Variants in ANTXR2 observed in about 807,000 individuals in gnomAD.
ANTXR2 encodes anthrax toxin receptor 2.
In ANTXR2, 44 loss-of-function variants were observed where a neutral mutation model predicts 73.7. The ratio of observed to expected loss-of-function variants is 0.60; its 90% CI spans 0.47 to 0.77. The LOEUF (loss-of-function observed/expected upper bound fraction) is 0.77. ANTXR2 is among the 30% of genes least tolerant of loss of function. The probability of loss-of-function intolerance (pLI) is 0.00; values close to 1 mark genes in which losing one functional copy is unlikely to be tolerated. For synonymous variants in ANTXR2, 217 were observed against 205.9 expected (o/e 1.05, Z -0.46); for missense variants, 604 against 592.5 (o/e 1.02, Z -0.20).
At chr4:79,924,289 T>A (rs911167967) in intron 16 of ANTXR2, among the ~76,000 whole-genome samples, 1 of 152,134 alleles carries the variant, frequency 6.6e-6, no homozygotes, top group South Asian at 2.1e-4. Flanking sequence ...CATCAACAAG[T>A]AAAGATTTGG....
chr4:80,022,587 C>T (rs1732221900), intron 10 of ANTXR2, among the ~76,000 whole-genome samples: 2 of 152,132 alleles, frequency 1.3e-5, no homozygotes, highest in African/African-American at 4.8e-5. Context: ...TATTTTATGT[C>T]ATTTCTGTTA....
At chr4:79,928,144 G>A (rs1727896726) in intron 16 of ANTXR2, among the ~76,000 whole-genome samples, 1 of 152,122 alleles carries the variant, frequency 6.6e-6, no homozygotes, top group Non-Finnish European at 1.5e-5. Flanking sequence ...GATAAAATGT[G>A]TCATATACAT....
At chr4:80,037,682 C>T (rs1377693961) in intron 7 of ANTXR2, among the ~76,000 whole-genome samples, 1 of 152,080 alleles carries the variant, frequency 6.6e-6, no homozygotes, top group African/African-American at 2.4e-5. Flanking sequence ...GGTTAATGTG[C>T]CCTCTTGGAA....
At chr4:79,966,654 T>G (rs922089590) in intron 16 of ANTXR2, among the ~76,000 whole-genome samples, 1 of 152,158 alleles carries the variant, frequency 6.6e-6, no homozygotes, top group African/African-American at 2.4e-5. Context: ...GAAATAAAAT[T>G]TGTAGGATAT....
At chr4:80,055,058 G>A in intron 6 of ANTXR2, 92 bp downstream of exon 6, 2 of 1,180,192 alleles carry the variant, frequency 1.7e-6, no homozygotes, top group Non-Finnish European at 1.2e-6. Flanking sequence ...ATCGACCAGT[G>A]TCACAATGTC....
At chr4:80,048,144 AC>A (rs1166215542) in intron 7 of ANTXR2, among the ~76,000 whole-genome samples, 1 of 151,348 alleles carries the variant, frequency 6.6e-6, no homozygotes. Flanking sequence ...GCTCCAATAT[AC>A]CATAACTATA....
intron 16 of ANTXR2, among the ~76,000 whole-genome samples, chr4:79,929,834 G>A (rs1425301639): frequency 4.6e-5 from 7 of 151,986 alleles, no homozygotes; most frequent in South Asian, 2.1e-4. Context: ...ATAGTTTTCC[G>A]ACAACAAGAG....
intron 12 of ANTXR2, 57 bp from the exon 13 acceptor site, chr4:79,984,920 A>G: frequency 7.4e-7 from 1 of 1,350,834 alleles, no homozygotes; most frequent in Non-Finnish European, 1.0e-6. Flanking sequence ...GATAGTAAGG[A>G]TGTGTAAAAA....
intron 16 of ANTXR2, among the ~76,000 whole-genome samples, chr4:79,932,898 A>G (rs1728116143): frequency 6.6e-6 from 1 of 152,044 alleles, no homozygotes; most frequent in Non-Finnish European, 1.5e-5. Context: ...TACATTGCAG[A>G]AAGGATTCCC....
At position 79,907,306 on chromosome 4, in the gene ANTXR2, T is replaced by C. The variant is rs1242223077; in HGVS notation, c.*123A>G. On this transcript the variant is annotated 3_prime_UTR_variant, in exon 17 of 17. Transcript: ENST00000403729. ...GAAGGCAGAGAAAACATTTCCCGAC[T>C]GAGAGGAATTAAGCTGCTCTTCCAA... 9.6e-7 allele frequency: 1 copy of C among 1,038,768 alleles called. No individual in the cohort carries two copies. Among genetic ancestry groups the C allele is most frequent in the African/African-American group, 1.6e-5 (1 of 60,946 alleles). The allele number at this position is 1,038,768 out of a possible 1,614,324, so 64.3% of individuals were successfully genotyped here.
chr4:80,056,546 C>A (rs76010302), intron 3 of ANTXR2, among the ~76,000 whole-genome samples: 1 of 151,800 alleles, frequency 6.6e-6, no homozygotes, highest in African/African-American at 2.4e-5. Context: ...TTTATGACAC[C>A]TTCTCACCCA....
At chr4:79,977,881 A>C in intron 15 of ANTXR2, 126 bp downstream of exon 15, 1 of 1,257,692 alleles carries the variant, frequency 8.0e-7, no homozygotes. Context: ...TCAGCTGTTA[A>C]GAGTGTACAA....
intron 11 of ANTXR2, among the ~76,000 whole-genome samples, chr4:80,012,951 T>C (rs2110062058): frequency 6.6e-6 from 1 of 152,354 alleles, no homozygotes; most frequent in African/African-American, 2.4e-5. Context: ...TCTTGGATTG[T>C]GAGTGCTAAA....
intron 10 of ANTXR2, chr4:80,024,842 AGG>A (rs1732350731): frequency 3.5e-6 from 1 of 288,238 alleles, no homozygotes; most frequent in South Asian, 2.9e-5. Flanking sequence ...AGAAACAGCT[AGG>A]GTGAGAATAT....
intron 12 of ANTXR2, among the ~76,000 whole-genome samples, chr4:79,999,149 C>T (rs1348912221): frequency 6.6e-6 from 1 of 151,770 alleles, no homozygotes. Context: ...TATTATATGC[C>T]CCTTGATATG....
intron 10 of ANTXR2, among the ~76,000 whole-genome samples, chr4:80,022,750 T>A (rs1240550833): frequency 1.3e-5 from 2 of 152,156 alleles, no homozygotes; most frequent in South Asian, 4.1e-4. Context: ...CAAACATATA[T>A]GGGAAGCAAG....
chr4:80,031,576 A>G (rs759282873), intron 10 of ANTXR2, 47 bp downstream of exon 10: 2 of 1,318,274 alleles, frequency 1.5e-6, no homozygotes, highest in Non-Finnish European at 2.0e-6. Flanking sequence ...TTTTCTAATA[A>G]TTTTTTACTA....
intron 10 of ANTXR2, among the ~76,000 whole-genome samples, chr4:80,026,669 T>C (rs1021892845): frequency 6.6e-6 from 1 of 152,180 alleles, no homozygotes; most frequent in Non-Finnish European, 1.5e-5. Flanking sequence ...TATATTGATC[T>C]GAAATGTGCT....
At chr4:79,929,801 C>G (rs1727988055) in intron 16 of ANTXR2, among the ~76,000 whole-genome samples, 1 of 152,086 alleles carries the variant, frequency 6.6e-6, no homozygotes, top group Non-Finnish European at 1.5e-5. Context: ...GAACTATAAC[C>G]TTCTAAGTTC....
Sources: allele counts gnomAD v4.1 joint callset (sites outside exome capture counted in the v4.1 genomes callset), GRCh38; gene constraint gnomAD v4.1.1; transcripts MANE v1.5; gene names NCBI Gene and HGNC (gene_info 2026-07-23, HGNC 2026-07-21).